Variants in PLCB4 observed in about 807,000 individuals in gnomAD.
PLCB4 encodes phospholipase C beta 4.
Under a neutral mutation model 178.8 loss-of-function variants are expected in PLCB4, and 77 were observed. That is an observed-to-expected ratio of 0.43 (90% confidence interval 0.36 to 0.52). The LOEUF (loss-of-function observed/expected upper bound fraction) is 0.52. Ranked by LOEUF, PLCB4 falls within the 20% of genes least tolerant of loss-of-function variation. PLCB4 has a pLI of 0.00. For missense variants in PLCB4, 1,024 were observed against 1,453.4 expected (o/e 0.70, Z 4.80); for synonymous variants, 496 against 490.8 (o/e 1.01, Z -0.14).
chr20:9,408,974 A>G, intron 23 of PLCB4, 83 bp from the exon 24 acceptor site: 3 of 1,257,498 alleles, frequency 2.4e-6, no homozygotes, highest in South Asian at 2.7e-5. Flanking sequence ...TTGTTGGCCT[A>G]GACCTTTGTT....
chr20:9,417,604 G>A (rs1008965935), intron 25 of PLCB4, among the ~76,000 whole-genome samples: 5 of 151,970 alleles, frequency 3.3e-5, no homozygotes, highest in African/African-American at 1.2e-4. Flanking sequence ...TTCATTCATC[G>A]ATGGACATTT....
chr20:9,293,676 C>T (rs1790381838), intron 3 of PLCB4, among the ~76,000 whole-genome samples: 1 of 147,930 alleles, frequency 6.8e-6, no homozygotes, highest in Admixed American at 6.8e-5. Flanking sequence ...ATGCTGGACA[C>T]TATAGTAGCA....
chr20:9,175,889 T>C (rs541085754), intron 2 of PLCB4, among the ~76,000 whole-genome samples: 1 of 152,298 alleles, frequency 6.6e-6, no homozygotes, highest in Non-Finnish European at 1.5e-5. Flanking sequence ...CGGAATGATA[T>C]GGATCCATCT....
At chr20:9,208,295 T>A (rs922493051) in intron 2 of PLCB4, among the ~76,000 whole-genome samples, 2 of 152,192 alleles carry the variant, frequency 1.3e-5, no homozygotes, top group Non-Finnish European at 2.9e-5. Context: ...CATTTCTGTC[T>A]CATAGAGTTT....
intron 35 of PLCB4, among the ~76,000 whole-genome samples, chr20:9,467,423 A>G (rs1014032919): frequency 1.3e-5 from 2 of 150,666 alleles, no homozygotes; most frequent in African/African-American, 4.9e-5. Flanking sequence ...AACTTAAAGT[A>G]TAATAAAAAA....
chr20:9,089,342 G>A (rs1448136045), intron 1 of PLCB4, among the ~76,000 whole-genome samples: 2 of 151,802 alleles, frequency 1.3e-5, no homozygotes, highest in South Asian at 2.1e-4. Flanking sequence ...AATAACTTTG[G>A]TACTTATAAA....
chr20:9,237,863 A>AT (rs5840312), intron 3 of PLCB4, among the ~76,000 whole-genome samples: 1 of 151,870 alleles, frequency 6.6e-6, no homozygotes, highest in African/African-American at 2.4e-5. Context: ...CTTTCTTAGT[A>AT]TTTTTTATAA....
intron 2 of PLCB4, among the ~76,000 whole-genome samples, chr20:9,098,186 AAGAC>A (rs1340120559): frequency 6.6e-6 from 1 of 152,220 alleles, no homozygotes; most frequent in Non-Finnish European, 1.5e-5. Flanking sequence ...GAGTTAATCA[AAGAC>A]AGAGAGTGAG....
rs530149927 is a variant in PLCB4 at position 9,405,585 on chromosome 20, A to G, written c.1647+237A>G. ...AACTACATGATCATCAGCATATTGA[A>G]TTTGAAAATAAAAATGAGTGAATAG... On this transcript the variant is annotated intron_variant, in intron 21 of 39. Coordinates refer to ENST00000378473, the MANE Select transcript of PLCB4 (RefSeq NM_001377142.1). 9.2e-5 allele frequency among the ~76,000 whole-genome samples: 14 copies of G among 152,340 alleles called. No individual in the cohort carries two copies. The East Asian group carries it at 2.7e-3, about 29-fold the overall frequency.
intron 4 of PLCB4, among the ~76,000 whole-genome samples, chr20:9,328,578 A>ATGACTGCTGAGCAGTTACCTGAGC (rs2031105288): frequency 6.6e-6 from 1 of 152,216 alleles, no homozygotes; most frequent in East Asian, 1.9e-4. Context: ...TTCTTCAGGT[A>ATGACTGCTGAGCAGTTACCTGAGC]TGACTGCTGA....
chr20:9,218,906 A>G (rs1050218357), intron 3 of PLCB4, among the ~76,000 whole-genome samples: 1 of 152,170 alleles, frequency 6.6e-6, no homozygotes, highest in African/African-American at 2.4e-5. Flanking sequence ...ATCAGTGTGG[A>G]CACATCATCT....
intron 2 of PLCB4, among the ~76,000 whole-genome samples, chr20:9,164,911 G>T (rs2092945254): frequency 1.3e-5 from 2 of 152,294 alleles, no homozygotes; most frequent in South Asian, 4.1e-4. Flanking sequence ...TTTGCTGGAG[G>T]TGCCATGACT....
chr20:9,136,629 A>G (rs951141184), intron 2 of PLCB4, among the ~76,000 whole-genome samples: 2 of 152,100 alleles, frequency 1.3e-5, no homozygotes, highest in Non-Finnish European at 2.9e-5. Context: ...AGGGATTGGC[A>G]GATCACTGGC....
chr20:9,222,424 A>G (rs1389038335), intron 3 of PLCB4, among the ~76,000 whole-genome samples: 1 of 151,586 alleles, frequency 6.6e-6, no homozygotes, highest in Non-Finnish European at 1.5e-5. Flanking sequence ...GTACAGCACA[A>G]AATTTCATGA....
At chr20:9,350,118 C>T (rs1441737455) in intron 7 of PLCB4, among the ~76,000 whole-genome samples, 2 of 151,634 alleles carry the variant, frequency 1.3e-5, no homozygotes, top group Admixed American at 6.6e-5. Context: ...CTAAGAATGG[C>T]TTTTACATTT....
intron 30 of PLCB4, 125 bp downstream of exon 30, chr20:9,437,277 G>T (rs906251473): frequency 2.4e-6 from 2 of 821,422 alleles, no homozygotes; most frequent in African/African-American, 3.4e-5. Flanking sequence ...TTTACATAGT[G>T]ATGTTAACTA....
intron 2 of PLCB4, among the ~76,000 whole-genome samples, chr20:9,159,457 G>A (rs1301929203): frequency 6.6e-6 from 1 of 152,122 alleles, no homozygotes; most frequent in East Asian, 1.9e-4. Flanking sequence ...TTAAAATAAA[G>A]AGATTTAGCA....
chr20:9,429,102 A>G (rs1278034812), intron 28 of PLCB4, among the ~76,000 whole-genome samples: 2 of 152,198 alleles, frequency 1.3e-5, no homozygotes. Flanking sequence ...ACATAAGTAG[A>G]GCTTTAAGTT....
chr20:9,106,949 T>C (rs2091387428), intron 2 of PLCB4, among the ~76,000 whole-genome samples: 1 of 152,172 alleles, frequency 6.6e-6, no homozygotes, highest in African/African-American at 2.4e-5. Flanking sequence ...GACTGTGGAA[T>C]ACTATGCGGT....
Sources: gnomAD v4.1 joint callset for allele counts (sites outside exome capture counted in the v4.1 genomes callset) on GRCh38, gnomAD v4.1.1 for gene constraint, MANE v1.5 for transcripts, NCBI Gene and HGNC (gene_info 2026-07-23, HGNC 2026-07-21) for gene names.